The following SLC7A5 variants were observed in gnomAD, a reference collection of about 807,000 sequenced individuals.
SLC7A5 encodes solute carrier family 7 member 5, also known as large neutral amino acids transporter small subunit 1.
SLC7A5 carries 23 observed loss-of-function variants against 50.2 expected under a neutral mutation model. The observed-to-expected ratio is 0.46, with a 90% CI of 0.33 to 0.65. The LOEUF is 0.65. Ranked by LOEUF, SLC7A5 falls within the 30% of genes least tolerant of loss-of-function variation. The pLI is 0.02. For missense variants in SLC7A5, 578 were observed against 684.4 expected (o/e 0.84, Z 1.73); for synonymous variants, 393 against 330.6 (o/e 1.19, Z -2.05).
chr16:87,853,812 C>T lies in SLC7A5; in HGVS notation c.539-1963G>A, dbSNP rs1001435544. The T allele has an allele frequency of 7.2e-5, 11 of 152,218 alleles. No individual in the cohort carries two copies. Among genetic ancestry groups the T allele is most frequent in the African/African-American group, 2.7e-4 (11 of 41,442 alleles). 9.4% of individuals were successfully genotyped at this position (152,218 alleles called of 1,614,324 possible). ...TGTGGCCAAGCCGCACTCGAGGCTG[C>T]CTCTCCCCAAAAGGGAGAGAGGCAC... On this transcript the variant is annotated intron_variant, in intron 1 of 9. Coordinates refer to ENST00000261622, the MANE Select transcript of SLC7A5 (RefSeq NM_003486.7). This position sits in a 1 kb window ranked among gnomAD's most constrained non-coding sequence, Gnocchi z 4.4.
chr16:87,840,567 G>T, intron 3 of SLC7A5, 94 bp from the exon 4 acceptor site: 1 of 1,093,378 alleles, frequency 9.1e-7, no homozygotes, highest in Non-Finnish European at 1.4e-6. Context: ...TGGTGAGCCT[G>T]CCCCCCGGTG....
intron 1 of SLC7A5, among the ~76,000 whole-genome samples, chr16:87,867,358 A>G (rs569828528): frequency 1.1e-4 from 16 of 152,324 alleles, no homozygotes; most frequent in African/African-American, 3.6e-4. Context: ...AAGAAATCAG[A>G]GTCATCCCCT....
chr16:87,843,849 G>C (rs1348984037), intron 2 of SLC7A5, among the ~76,000 whole-genome samples: 2 of 152,180 alleles, frequency 1.3e-5, no homozygotes, highest in African/African-American at 4.8e-5. Flanking sequence ...CAAGGCATCA[G>C]CCACGAGCCT....
chr16:87,842,977 C>G (rs1026228575), intron 2 of SLC7A5, among the ~76,000 whole-genome samples: 1 of 152,170 alleles, frequency 6.6e-6, no homozygotes, highest in Non-Finnish European at 1.5e-5. Context: ...CTTACTTCTG[C>G]TGGGGGGAGC....
At position 87,869,501 on chromosome 16, in the gene SLC7A5, G is replaced by T; in HGVS notation, c.-79C>A. On this transcript the variant is annotated 5_prime_UTR_variant, in exon 1 of 10. The change creates a new upstream start codon in the 5' untranslated region. Transcript: ENST00000261622. ...GTGTGCGCGCCGCCCGCCGCCCGCA[G>T]CTGCGTCAGGAACCCCGCCCGCGCC... 1.8e-6 allele frequency: 2 copies of T among 1,087,514 alleles called. No individual in the cohort carries two copies. Among genetic ancestry groups the T allele is most frequent in the Non-Finnish European group, 2.3e-6 (2 of 885,796 alleles). 67.4% of individuals were successfully genotyped at this position (1,087,514 alleles called of 1,614,324 possible).
At position 87,862,253 on chromosome 16, in the gene SLC7A5, T is replaced by G. The variant is rs113214870; in HGVS notation, c.538+6632A>C. ...TGGTGCTGGACACCCAGGGGGCAGA[T>G]AGAGGCAGCCAGGCAGCCTGAAGAC... On this transcript the variant is annotated intron_variant, in intron 1 of 9. Coordinates refer to ENST00000261622, the MANE Select transcript of SLC7A5 (RefSeq NM_003486.7). This position sits in a 1 kb window ranked among gnomAD's most constrained non-coding sequence, Gnocchi z 5.3. Among the ~76,000 whole-genome samples the G allele has an allele frequency of 5.9e-5, 9 of 152,034 alleles. No homozygotes were observed. Among genetic ancestry groups the G allele is most frequent in the African/African-American group, 1.9e-4 (8 of 41,356 alleles).
At chr16:87,835,680 TAGCC>T (rs1200713821) in intron 8 of SLC7A5, among the ~76,000 whole-genome samples, 1 of 152,108 alleles carries the variant, frequency 6.6e-6, no homozygotes, top group Non-Finnish European at 1.5e-5. Flanking sequence ...TTCACCGTGT[TAGCC>T]AGGATGGTCT....
chr16:87,848,986 G>A (rs1477727587), intron 2 of SLC7A5, among the ~76,000 whole-genome samples: 1 of 152,232 alleles, frequency 6.6e-6, no homozygotes, highest in African/African-American at 2.4e-5. Context: ...GGGGGCCAAG[G>A]GCAGCAAGGA....
In SLC7A5 at chr16:87,832,936, C is replaced by T. The variant is rs369984883; in HGVS notation, c.*34G>A. On this transcript the variant is annotated 3_prime_UTR_variant, in exon 10 of 10. Coordinates refer to ENST00000261622, the MANE Select transcript of SLC7A5 (RefSeq NM_003486.7). This position sits in a 1 kb window ranked among gnomAD's most constrained non-coding sequence, Gnocchi z 4.6. The stretch of plus-strand genomic sequence containing the variant: ...GGTGATCTACTTTAACTGGCCTCTG[C>T]GCATGCTCCTCCGGCAGCCACTCGG... 1.1e-5 allele frequency: 18 copies of T among 1,586,234 alleles called. No homozygotes were observed. The highest frequency in any genetic ancestry group is 1.7e-4 in the Middle Eastern group (1 of 6,026).
chr16:87,853,735 C>G lies in SLC7A5; in HGVS notation c.539-1886G>C, dbSNP rs537878680. 2.0e-5 allele frequency among the ~76,000 whole-genome samples: 3 copies of G among 152,196 alleles called. No homozygotes were observed. The highest frequency in any genetic ancestry group is 2.0e-4 in the Admixed American group (3 of 15,284). ...AGAGCTTTCTGGATTCGCAAGAGGCCGGCTGATTGCATCACTCGCTCATTC... is the reference window on the plus strand; with the variant it reads ...AGAGCTTTCTGGATTCGCAAGAGGCGGGCTGATTGCATCACTCGCTCATTC... On this transcript the variant is annotated intron_variant, in intron 1 of 9. Transcript: ENST00000261622. The surrounding 1 kb of genome is among the most constrained non-coding windows in gnomAD (Gnocchi z 4.4).
intron 7 of SLC7A5, 184 bp downstream of exon 7, chr16:87,837,661 T>A (rs1389037026): frequency 6.8e-6 from 4 of 588,636 alleles, no homozygotes; most frequent in Non-Finnish European, 1.2e-5. Flanking sequence ...ATATATTATT[T>A]TTGGAATAAA....
rs1282856287 is a variant in SLC7A5 at position 87,861,761 on chromosome 16, T to C, written c.538+7124A>G. Among the ~76,000 whole-genome samples, 3 of 152,198 alleles carry C rather than the reference T, an allele frequency of 2.0e-5. No individual in the cohort carries two copies. Among genetic ancestry groups the C allele is most frequent in the Non-Finnish European group, 4.4e-5 (3 of 68,024 alleles). ...TCTGCTGGATTATGAAAGAGGTCTG[T>C]GACCCAAGAAAAAAGGGTCACAAGT... On this transcript the variant is annotated intron_variant, in intron 1 of 9. Transcript: ENST00000261622. The surrounding 1 kb of genome is among the most constrained non-coding windows in gnomAD (Gnocchi z 4.2).
At chr16:87,836,284 C>T (rs2055002170) in intron 8 of SLC7A5, among the ~76,000 whole-genome samples, 1 of 152,280 alleles carries the variant, frequency 6.6e-6, no homozygotes, top group Non-Finnish European at 1.5e-5. Context: ...GTGCCATCTG[C>T]TGTCCTTTGA....
intron 1 of SLC7A5, among the ~76,000 whole-genome samples, chr16:87,868,540 C>T (rs2055491787): frequency 6.6e-6 from 1 of 152,198 alleles, no homozygotes; most frequent in African/African-American, 2.4e-5. Context: ...AGTTACTCCA[C>T]GTGGGTGCCA....
chr16:87,857,850 C>T (rs1166705876), intron 1 of SLC7A5, among the ~76,000 whole-genome samples: 1 of 152,224 alleles, frequency 6.6e-6, no homozygotes, highest in African/African-American at 2.4e-5. Context: ...GAGTTACGCC[C>T]AACCACACTG....
intron 2 of SLC7A5, among the ~76,000 whole-genome samples, chr16:87,843,216 C>A (rs545526523): frequency 2.6e-5 from 4 of 152,256 alleles, no homozygotes; most frequent in African/African-American, 9.6e-5. Context: ...TGACCTCCAG[C>A]CTCATGACAG....
chr16:87,865,666 C>T (rs1247921213), intron 1 of SLC7A5, among the ~76,000 whole-genome samples: 1 of 152,056 alleles, frequency 6.6e-6, no homozygotes, highest in Non-Finnish European at 1.5e-5. Flanking sequence ...AAGATCGTGC[C>T]ATTGTACTCC....
In SLC7A5 at chr16:87,832,893, C is replaced by T. The variant is rs2143695163; in HGVS notation, c.*77G>A. 1.7e-6 allele frequency: 2 copies of T among 1,209,392 alleles called. No individual in the cohort carries two copies. The highest frequency in any genetic ancestry group is 1.7e-5 in the Admixed American group (1 of 59,326). 74.9% of individuals were successfully genotyped at this position (1,209,392 alleles called of 1,614,324 possible). A position where few individuals can be genotyped will look rare whatever the true frequency, so the allele number is the denominator to read the frequency against. ...CAGCTGAGCTGTGGGTTGCGGGGAA[C>T]CGGAGTGGGTTCGAGGAGGTGATCT... On this transcript the variant is annotated 3_prime_UTR_variant, in exon 10 of 10. Transcript: ENST00000261622. This position sits in a 1 kb window ranked among gnomAD's most constrained non-coding sequence, Gnocchi z 4.6.
Position 87,841,578 on chromosome 16 carries a change from G to C in SLC7A5, c.665-423C>G, listed in dbSNP as rs1484776879. Among the ~76,000 whole-genome samples, 1 of 152,236 alleles carries C rather than the reference G, an allele frequency of 6.6e-6. No homozygotes were observed. Among genetic ancestry groups the C allele is most frequent in the East Asian group, 1.9e-4 (1 of 5,194 alleles). The stretch of plus-strand genomic sequence containing the variant: ...GCTACGGCAACAAGGAAGGCCCAGA[G>C]CCACTAGGGCCCTGCTTCTTGGGGT... On this transcript the variant is annotated intron_variant, in intron 2 of 9. Coordinates refer to ENST00000261622, the MANE Select transcript of SLC7A5 (RefSeq NM_003486.7). The surrounding 1 kb of genome is among the most constrained non-coding windows in gnomAD (Gnocchi z 4.8).
Sources: allele counts gnomAD v4.1 joint callset (sites outside exome capture counted in the v4.1 genomes callset), GRCh38; gene constraint gnomAD v4.1.1; non-coding constraint Gnocchi (gnomAD v3.1); transcripts MANE v1.5; gene names NCBI Gene and HGNC (gene_info 2026-07-23, HGNC 2026-07-21).